The following ST7 variants were observed in gnomAD, a reference collection of about 807,000 sequenced individuals.
ST7 encodes suppressor of tumorigenicity 7 protein.
Under a neutral mutation model 78.7 loss-of-function variants are expected in ST7, and 28 were observed. That is an observed-to-expected ratio of 0.36 (90% CI 0.26 to 0.49). The LOEUF (loss-of-function observed/expected upper bound fraction) is 0.49. Among genes scored for constraint, ST7 ranks in the 20% least tolerant of loss-of-function variants. The pLI is 0.99. For synonymous variants in ST7, 247 were observed against 249.6 expected (o/e 0.99, Z 0.10); for missense variants, 418 against 696.0 (o/e 0.60, Z 4.49).
intron 15 of ST7, among the ~76,000 whole-genome samples, chr7:117,222,704 G>A (rs1793177873): frequency 6.6e-6 from 1 of 152,104 alleles, no homozygotes; most frequent in Non-Finnish European, 1.5e-5. Context: ...ATGCAGTTGA[G>A]GATAAGTTTA....
In ST7 at chr7:116,982,310, C is replaced by T. The variant is rs150441649; in HGVS notation, c.151+28619C>T. ...TGCAATCTTGGCTCACTGCACCCTC[C>T]GCCTCCCAGGTTCAAGTGATTCTCC... On this transcript the variant is annotated intron_variant, in intron 1 of 15. Coordinates refer to ENST00000323984, the MANE Select transcript of ST7 (RefSeq NM_001369598.1). Among the ~76,000 whole-genome samples the T allele has an allele frequency of 3.2e-3, 491 of 152,118 alleles. 2 individuals carry two copies. The highest frequency in any genetic ancestry group is 0.011 in the African/African-American group (475 of 41,510).
chr7:116,967,855 A>G (rs1793206902), intron 1 of ST7, among the ~76,000 whole-genome samples: 1 of 152,170 alleles, frequency 6.6e-6, no homozygotes, highest in African/African-American at 2.4e-5. Flanking sequence ...TTTTCTCTTA[A>G]GTCAGTTTCT....
At chr7:117,222,742 C>A in intron 15 of ST7, 1 of 813,570 alleles carries the variant, frequency 1.2e-6, no homozygotes, top group Admixed American at 1.9e-5. Flanking sequence ...GAGTTTCAAA[C>A]AGAAGGAATA....
At chr7:117,002,813 CTTTTTTTTTTTTTT>C (rs397970060) in intron 1 of ST7, among the ~76,000 whole-genome samples, 2 of 72,148 alleles carry the variant, frequency 2.8e-5, no homozygotes, top group Admixed American at 2.4e-4. Context: ...ATTTTTTTTC[CTTTTTTTTTTTTTT>C]TTTTTTTTTT....
chr7:117,011,205 G>T (rs1368995379), intron 1 of ST7, among the ~76,000 whole-genome samples: 2 of 152,094 alleles, frequency 1.3e-5, no homozygotes, highest in Non-Finnish European at 2.9e-5. Flanking sequence ...GTTACTGGGG[G>T]TCTGCCTAGA....
chr7:117,120,034 T>C (rs1803239457), intron 3 of ST7, among the ~76,000 whole-genome samples: 1 of 151,998 alleles, frequency 6.6e-6, no homozygotes, highest in South Asian at 2.1e-4. Flanking sequence ...GCTCGGGTGA[T>C]CCTCCTACCT....
intron 9 of ST7, among the ~76,000 whole-genome samples, chr7:117,149,663 G>A (rs1231076190): frequency 7.5e-6 from 1 of 132,524 alleles, no homozygotes; most frequent in African/African-American, 2.8e-5. Flanking sequence ...TAATTTGGAT[G>A]GATAGCTGTG....
At chr7:117,022,317 A>T (rs1221781570) in intron 1 of ST7, among the ~76,000 whole-genome samples, 1 of 152,210 alleles carries the variant, frequency 6.6e-6, no homozygotes, top group Non-Finnish European at 1.5e-5. Context: ...TTTCTTGCTT[A>T]TAGGTAGATT....
intron 1 of ST7, among the ~76,000 whole-genome samples, chr7:117,081,889 G>A (rs1799805688): frequency 1.3e-5 from 2 of 150,604 alleles, no homozygotes; most frequent in African/African-American, 2.5e-5. Context: ...GAGAAATAGA[G>A]ATTGAGAGAG....
rs1312458875 is a variant in ST7, at chr7:117,154,242, T to C, written c.963+15710T>C. Among the ~76,000 whole-genome samples, 8 of 152,150 alleles carry C rather than the reference T, an allele frequency of 5.3e-5. 1 individual carries two copies. The highest frequency in any genetic ancestry group is 9.7e-5 in the African/African-American group (4 of 41,448). On this transcript the variant is annotated intron_variant, in intron 9 of 15. Transcript: ENST00000323984. Reference sequence around the variant, plus strand: ...CAGGAGAGGATCTGTTTGTGCCATGTAAGGATACAGCAAGAAGGTGCTCCT... The same window carrying C: ...CAGGAGAGGATCTGTTTGTGCCATGCAAGGATACAGCAAGAAGGTGCTCCT...
chr7:117,064,117 CAAG>C (rs1374694207), intron 1 of ST7, among the ~76,000 whole-genome samples: 1 of 151,752 alleles, frequency 6.6e-6, no homozygotes, highest in Non-Finnish European at 1.5e-5. Context: ...TTTTATTCAA[CAAG>C]AAAAAGCTAC....
intron 1 of ST7, among the ~76,000 whole-genome samples, chr7:117,077,888 C>G (rs1207167462): frequency 1.3e-5 from 2 of 149,734 alleles, no homozygotes; most frequent in African/African-American, 4.9e-5. Context: ...CTCTGTCCCC[C>G]AGGCTGGAAT....
chr7:117,060,106 A>G (rs1671225896), intron 1 of ST7, among the ~76,000 whole-genome samples: 1 of 152,078 alleles, frequency 6.6e-6, no homozygotes, highest in African/African-American at 2.4e-5. Flanking sequence ...TTTGTTCTGG[A>G]TTTTACAGGG....
chr7:117,086,749 C>T (rs572352053), intron 1 of ST7, among the ~76,000 whole-genome samples: 10 of 152,086 alleles, frequency 6.6e-5, no homozygotes, highest in Non-Finnish European at 8.8e-5. Context: ...GTAGACATTA[C>T]GTAAAGCCAG....
intron 1 of ST7, among the ~76,000 whole-genome samples, chr7:117,056,804 AAC>A (rs1359340635): frequency 5.9e-5 from 9 of 152,172 alleles, no homozygotes; most frequent in Non-Finnish European, 1.3e-4. Context: ...TTGTTCATAA[AAC>A]ACAGGATCAA....
At chr7:117,210,138 A>G (rs1792163241) in intron 13 of ST7, among the ~76,000 whole-genome samples, 1 of 152,198 alleles carries the variant, frequency 6.6e-6, no homozygotes, top group South Asian at 2.1e-4. Context: ...CTGTTTCCAC[A>G]GCTCAGAAAG....
chr7:117,119,547 T>C lies in ST7; in HGVS notation c.235-14T>C, dbSNP rs369136845. On this transcript the variant is annotated splice_polypyrimidine_tract_variant and intron_variant, in intron 2 of 15. Coordinates refer to ENST00000323984, the MANE Select transcript of ST7 (RefSeq NM_001369598.1). ...ATAACAGTGACCATAAACACGCTTA[T>C]TTTTCTGTTCTAGATATTTGAATGG... 2 of 1,604,570 alleles carry C rather than the reference T, an allele frequency of 1.2e-6. No individual in the cohort carries two copies. Among genetic ancestry groups the C allele is most frequent in the African/African-American group, 2.7e-5 (2 of 74,512 alleles).
intron 13 of ST7, among the ~76,000 whole-genome samples, chr7:117,215,899 C>T (rs3757810): frequency 4.5e-4 from 68 of 152,112 alleles, no homozygotes; most frequent in African/African-American, 1.5e-3. Flanking sequence ...GATTCAAACT[C>T]GGTTCCCTCT....
intron 1 of ST7, among the ~76,000 whole-genome samples, chr7:117,040,385 GTT>G (rs1797145718): frequency 6.6e-6 from 1 of 151,894 alleles, no homozygotes; most frequent in African/African-American, 2.4e-5. Flanking sequence ...AAAAAAAAGA[GTT>G]AGAAACATTC....
Sources: allele counts gnomAD v4.1 joint callset (sites outside exome capture counted in the v4.1 genomes callset), GRCh38; gene constraint gnomAD v4.1.1; transcripts MANE v1.5; gene names NCBI Gene and HGNC (gene_info 2026-07-23, HGNC 2026-07-21).